MTMR8: variants seen among roughly 807,000 people sequenced by gnomAD.
MTMR8 encodes the protein phosphatidylinositol-3,5-bisphosphate 3-phosphatase MTMR8.
A neutral mutation model predicts 39.3 loss-of-function variants in MTMR8; 65 were observed. The ratio of observed to expected loss-of-function variants is 1.65; its 90% CI spans 1.35 to 2.03. The LOEUF (loss-of-function observed/expected upper bound fraction) is 2.03, where lower values mean the gene tolerates loss of function less well. Ranked by LOEUF, MTMR8 falls within the 30% of genes most tolerant of loss-of-function variation. MTMR8 has a pLI of 0.00. For synonymous variants in MTMR8, 245 were observed against 185.2 expected (o/e 1.32, Z -2.62); for missense variants, 777 against 538.9 (o/e 1.44, Z -4.37).
At chrX:64,367,376 C>A (rs1273506972) in intron 1 of MTMR8, among the ~76,000 whole-genome samples, 2 of 111,946 alleles carry the variant, frequency 1.8e-5, no homozygotes, top group Admixed American at 9.4e-5. Flanking sequence ...TACTGGCAAA[C>A]CGTATTCAGC....
At chrX:64,361,136 A>G (rs1244653466) in intron 1 of MTMR8, among the ~76,000 whole-genome samples, 1 of 112,107 alleles carries the variant, frequency 8.9e-6, no homozygotes, top group African/African-American at 3.2e-5. Context: ...ATATGCTAAT[A>G]AATTGGAAAA....
chrX:64,350,587 T>G (rs1241987571), intron 4 of MTMR8, among the ~76,000 whole-genome samples: 3 of 111,514 alleles, frequency 2.7e-5, no homozygotes, highest in African/African-American at 6.5e-5. Flanking sequence ...AATAGATGAT[T>G]AAATACCAGC....
intron 12 of MTMR8, among the ~76,000 whole-genome samples, chrX:64,277,064 G>T (rs1381178136): frequency 9.0e-6 from 1 of 111,159 alleles, no homozygotes; most frequent in Non-Finnish European, 1.9e-5. Flanking sequence ...GACTAGGATT[G>T]CAACCCCTGC....
At chrX:64,315,546 T>A (rs1922442069) in intron 12 of MTMR8, among the ~76,000 whole-genome samples, 1 of 112,023 alleles carries the variant, frequency 8.9e-6, no homozygotes, top group Admixed American at 9.4e-5. Flanking sequence ...TCTGATACTA[T>A]GTGATATGGC....
intron 12 of MTMR8, 23 bp from the exon 13 acceptor site, chrX:64,271,096 GA>G: frequency 1.7e-6 from 2 of 1,174,173 alleles, no homozygotes; most frequent in Non-Finnish European, 2.3e-6. Context: ...AAAATGGGGG[GA>G]AAAGTGGGTT....
intron 10 of MTMR8, among the ~76,000 whole-genome samples, chrX:64,333,985 G>A (rs1368240384): frequency 9.0e-6 from 1 of 111,471 alleles, no homozygotes; most frequent in Non-Finnish European, 1.9e-5. Flanking sequence ...ACTTTCAGGT[G>A]TCAGTATTAT....
At chrX:64,388,271 C>T (rs931557175) in intron 1 of MTMR8, among the ~76,000 whole-genome samples, 4 of 112,016 alleles carry the variant, frequency 3.6e-5, no homozygotes, top group Admixed American at 2.8e-4. Context: ...AGTCCTGCCC[C>T]TTGTGTCATT....
chrX:64,370,451 T>G (rs1362774816), intron 1 of MTMR8, among the ~76,000 whole-genome samples: 1 of 111,309 alleles, frequency 9.0e-6, no homozygotes, highest in Non-Finnish European at 1.9e-5. Flanking sequence ...ATTCACATGT[T>G]CTCTTGTTGA....
Position 64,270,149 on chromosome X carries a change from C to T in MTMR8, c.1608+798G>A, listed in dbSNP as rs552816700. 4.3e-4 allele frequency among the ~76,000 whole-genome samples: 48 copies of T among 110,750 alleles called. 1 individual carries two copies. In the South Asian group the frequency reaches 0.019, roughly 44 times the overall value. ...GATTTTAACTTATGCTTTAGTTTGC[C>T]CCCCTCCACCTTTAAAAAAAATGGA... On this transcript the variant is annotated intron_variant, in intron 13 of 13. Coordinates refer to ENST00000374852, the MANE Select transcript of MTMR8 (RefSeq NM_017677.4).
intron 12 of MTMR8, among the ~76,000 whole-genome samples, chrX:64,284,542 A>C (rs763461517): frequency 8.9e-6 from 1 of 111,797 alleles, no homozygotes; most frequent in Non-Finnish European, 1.9e-5. Flanking sequence ...CAAAGTTGAA[A>C]TGAAGGAAAA....
At chrX:64,380,743 C>A (rs760225482) in intron 1 of MTMR8, among the ~76,000 whole-genome samples, 2 of 111,404 alleles carry the variant, frequency 1.8e-5, no homozygotes, top group Non-Finnish European at 3.8e-5. Context: ...ATCCCTCCCC[C>A]CTCCTTCCAC....
intron 12 of MTMR8, among the ~76,000 whole-genome samples, chrX:64,278,459 GGTTTTTTTTTTTTTT>G (rs1931929620): frequency 2.0e-5 from 1 of 49,868 alleles, no homozygotes; most frequent in Non-Finnish European, 3.3e-5. Context: ...TTATTTTGCT[GGTTTTTTTTTTTTTT>G]TTTTTTTTTT....
intron 12 of MTMR8, among the ~76,000 whole-genome samples, chrX:64,282,114 T>A (rs1407510339): frequency 2.7e-5 from 3 of 111,156 alleles, no homozygotes; most frequent in Non-Finnish European, 5.7e-5. Flanking sequence ...ACTTTTACAC[T>A]GTTGCTGGGA....
intron 12 of MTMR8, among the ~76,000 whole-genome samples, chrX:64,311,778 T>TG (rs1159278162): frequency 4.7e-5 from 5 of 107,383 alleles, no homozygotes; most frequent in African/African-American, 1.7e-4. Flanking sequence ...TTTTTTTTTT[T>TG]TTTTTTGGCA....
chrX:64,294,551 T>C (rs1921502360), intron 12 of MTMR8, among the ~76,000 whole-genome samples: 2 of 111,983 alleles, frequency 1.8e-5, no homozygotes, highest in Non-Finnish European at 3.8e-5. Flanking sequence ...GAGGGGATGG[T>C]ATCTTAGTCC....
Position 64,328,755 on chromosome X carries a change from A to G in MTMR8, c.1481+17T>C, listed in dbSNP as rs1922863632. On this transcript the variant is annotated intron_variant, in intron 12 of 13. Transcript: ENST00000374852. ...GGGACCTGCTATAAGAAAGGAGGGA[A>G]AAACTTAAGAACTTACTGAATGTTG... The G allele has an allele frequency of 8.7e-7, 1 of 1,145,261 alleles. No homozygotes were observed. Among genetic ancestry groups the G allele is most frequent in the Non-Finnish European group, 1.2e-6 (1 of 865,962 alleles). 94.4% of individuals were successfully genotyped at this position (1,145,261 alleles called of 1,213,427 possible).
chrX:64,277,918 G>A (rs959121089), intron 12 of MTMR8, among the ~76,000 whole-genome samples: 1 of 109,802 alleles, frequency 9.1e-6, no homozygotes, highest in Non-Finnish European at 1.9e-5. Context: ...TGGAGGCTTT[G>A]TTCATTTCTT....
chrX:64,285,063 G>A (rs1349254238), intron 12 of MTMR8, among the ~76,000 whole-genome samples: 2 of 111,618 alleles, frequency 1.8e-5, no homozygotes, highest in African/African-American at 6.5e-5. Flanking sequence ...TTAGTGTGCT[G>A]TATTCAGGAA....
In MTMR8 at chrX:64,376,192, G is replaced by T. The variant is rs185379693; in HGVS notation, c.25-16665C>A. Among the ~76,000 whole-genome samples the T allele has an allele frequency of 2.7e-5, 3 of 112,012 alleles. No homozygotes were observed. The East Asian group carries it at 8.4e-4, about 31-fold the overall frequency. On this transcript the variant is annotated intron_variant, in intron 1 of 13. Coordinates refer to ENST00000374852, the MANE Select transcript of MTMR8 (RefSeq NM_017677.4). Reference sequence around the variant, plus strand: ...CAAGAACAGACTAATACAGAAAATTGGTACCAGAAAAGAAGAACATTGCTA... The same window carrying T: ...CAAGAACAGACTAATACAGAAAATTTGTACCAGAAAAGAAGAACATTGCTA...
Sources: gnomAD v4.1 joint callset for allele counts (sites outside exome capture counted in the v4.1 genomes callset) on GRCh38, gnomAD v4.1.1 for gene constraint, MANE v1.5 for transcripts, NCBI Gene and HGNC (gene_info 2026-07-23, HGNC 2026-07-21) for gene names.